ANKRD26: variants seen among roughly 807,000 people sequenced by gnomAD.
ANKRD26 encodes ankyrin repeat domain-containing protein 26.
A neutral mutation model predicts 208.7 loss-of-function variants in ANKRD26; 141 were observed. That is an observed-to-expected ratio of 0.68 (90% confidence interval 0.59 to 0.78). The LOEUF (loss-of-function observed/expected upper bound fraction) is 0.78, where lower values mean the gene tolerates loss of function less well. Among genes scored for constraint, ANKRD26 ranks in the 30% least tolerant of loss-of-function variants. ANKRD26 has a pLI of 0.00. For missense variants in ANKRD26, 1,889 were observed against 1,938.7 expected (o/e 0.97, Z 0.48); for synonymous variants, 636 against 660.4 (o/e 0.96, Z 0.57).
At chr10:27,065,121 G>T (rs2055193920) in intron 11 of ANKRD26, among the ~76,000 whole-genome samples, 1 of 152,112 alleles carries the variant, frequency 6.6e-6, no homozygotes, top group Non-Finnish European at 1.5e-5. Flanking sequence ...GTCACACTCA[G>T]AAAGATCTTC....
chr10:27,022,816 C>CAGAT, intron 28 of ANKRD26, 129 bp from the exon 29 acceptor site: 1 of 886,902 alleles, frequency 1.1e-6, no homozygotes, highest in Non-Finnish European at 1.7e-6. Context: ...TTATTTCAAT[C>CAGAT]TGACATAGTT....
intron 4 of ANKRD26, among the ~76,000 whole-genome samples, chr10:26,998,556 T>A (rs777715759): frequency 1.3e-5 from 2 of 152,242 alleles, no homozygotes; most frequent in Non-Finnish European, 2.9e-5. Flanking sequence ...ACCTGGGTCA[T>A]AGGTTCTGAT....
chr10:26,972,063 G>GT (rs2052153891), downstream of ANKRD26, among the ~76,000 whole-genome samples: 3 of 151,924 alleles, frequency 2.0e-5, no homozygotes, highest in Middle Eastern at 6.8e-3. Flanking sequence ...GTGAAACCCC[G>GT]TCTCTACTAA....
At chr10:27,053,085 C>T (rs2054717023) in intron 16 of ANKRD26, among the ~76,000 whole-genome samples, 1 of 151,970 alleles carries the variant, frequency 6.6e-6, no homozygotes, top group Admixed American at 6.6e-5. Flanking sequence ...GGCTTCAATT[C>T]CAAGGGTAAA....
chr10:27,022,652 A>G lies in ANKRD26; in HGVS notation c.4121T>C (p.Leu1374Ser), dbSNP rs377522793. 31 of 1,584,620 alleles carry G rather than the reference A, an allele frequency of 2.0e-5. No individual in the cohort carries two copies. Among genetic ancestry groups the G allele is most frequent in the Non-Finnish European group, 2.4e-5 (28 of 1,158,322 alleles). Residue 1374 changes from leucine (L) to serine (S), a missense_variant, in exon 29 of 34, where the codon TTA becomes TCA. Physicochemically the swap from Leu to Ser is moderately radical, Grantham distance 145. Coordinates refer to ENST00000376087, the MANE Select transcript of ANKRD26 (RefSeq NM_014915.3). ...AAATTCTCCATTTTCATATTCATTT[A>G]ACTTCTTTCTTGTCATTTTTAAGAG... ...KNLLKMTRKK[L>S]NEYENGEFSF...
intron 5 of ANKRD26, among the ~76,000 whole-genome samples, chr10:27,086,240 CACATA>C (rs1176827449): frequency 6.6e-6 from 1 of 150,878 alleles, no homozygotes; most frequent in Non-Finnish European, 1.5e-5. Flanking sequence ...ATAAAGGAAA[CACATA>C]ACATACTAAC....
chr10:27,037,764 T>A, intron 22 of ANKRD26, 107 bp downstream of exon 22: 1 of 926,010 alleles, frequency 1.1e-6, no homozygotes, highest in Non-Finnish European at 1.6e-6. Context: ...CAGCTTGAGA[T>A]AACAGTTTTG....
At chr10:27,095,620 A>G (rs942944884) in intron 1 of ANKRD26, among the ~76,000 whole-genome samples, 1 of 152,216 alleles carries the variant, frequency 6.6e-6, no homozygotes, top group Non-Finnish European at 1.5e-5. Context: ...GTAAGCCGAG[A>G]TCATGCCACT....
chr10:26,953,512 T>C, the ANKRD26 span, among the ~76,000 whole-genome samples: 3 of 152,238 alleles, frequency 2.0e-5, no homozygotes, highest in East Asian at 1.9e-4. Context: ...CTGATGTTAC[T>C]AGATAAATGA....
intron 29 of ANKRD26, among the ~76,000 whole-genome samples, chr10:27,022,327 T>A (rs2135031219): frequency 6.6e-6 from 1 of 152,288 alleles, no homozygotes; most frequent in South Asian, 2.1e-4. Context: ...CTAGGCTTAA[T>A]ACTTGGGTGA....
intron 4 of ANKRD26, among the ~76,000 whole-genome samples, chr10:26,996,517 G>A (rs137984660): frequency 7.9e-5 from 12 of 152,288 alleles, no homozygotes; most frequent in South Asian, 2.1e-4. Flanking sequence ...CTGAGATTGC[G>A]CCACTGCACT....
At chr10:27,000,444 G>A (rs986634579), downstream of ANKRD26, among the ~76,000 whole-genome samples, 1 of 152,050 alleles carries the variant, frequency 6.6e-6, no homozygotes, top group African/African-American at 2.4e-5. Context: ...AAAAACTCCA[G>A]GAATTGGAAA....
chr10:27,009,822 C>T (rs1025894469), intron 32 of ANKRD26, among the ~76,000 whole-genome samples: 5 of 151,970 alleles, frequency 3.3e-5, no homozygotes, highest in African/African-American at 9.7e-5. Flanking sequence ...CTTCAGGTGG[C>T]GGAGGCAGCC....
chr10:26,995,099 A>G (rs1168626934), exon 5 of ANKRD26: 1 of 471,050 alleles, frequency 2.1e-6, no homozygotes, highest in African/African-American at 2.0e-5. Context: ...GAAGTGAGAC[A>G]TTGGTCAGTC....
chr10:27,056,606 T>C (rs1339205333), intron 15 of ANKRD26, among the ~76,000 whole-genome samples: 1 of 151,810 alleles, frequency 6.6e-6, no homozygotes, highest in African/African-American at 2.4e-5. Context: ...GGTGAAACCC[T>C]GTCTCTACTA....
chr10:27,089,483 G>C (rs1393379036), intron 4 of ANKRD26, among the ~76,000 whole-genome samples: 1 of 152,172 alleles, frequency 6.6e-6, no homozygotes, highest in Non-Finnish European at 1.5e-5. Flanking sequence ...GTTCGTAAAA[G>C]TCCTGAGATA....
chr10:27,076,400 T>G (rs2055700088), intron 9 of ANKRD26, among the ~76,000 whole-genome samples: 1 of 151,962 alleles, frequency 6.6e-6, no homozygotes, highest in East Asian at 1.9e-4. Flanking sequence ...GTAGCTGGGA[T>G]TACAGGCACC....
At chr10:26,990,732 T>C (rs1353699506), downstream of ANKRD26, among the ~76,000 whole-genome samples, 1 of 152,184 alleles carries the variant, frequency 6.6e-6, no homozygotes, top group Admixed American at 6.5e-5. Flanking sequence ...TTTACACTCA[T>C]AGGCTACAGG....
chr10:27,066,555 A>C lies in ANKRD26; in HGVS notation c.1208-7T>G. ...CCTAATGCGGACATCATATCTATCA[A>C]ATGTGATACACAGATATATTCATGA... is the stretch of plus-strand genomic sequence containing the variant. On this transcript the variant is annotated splice_region_variant and splice_polypyrimidine_tract_variant and intron_variant, in intron 10 of 33. Transcript: ENST00000376087. 1 of 1,573,436 alleles carries C rather than the reference A, an allele frequency of 6.4e-7. No homozygotes were observed. Among genetic ancestry groups the C allele is most frequent in the East Asian group, 2.2e-5 (1 of 44,526 alleles).
Sources: allele counts gnomAD v4.1 joint callset (sites outside exome capture counted in the v4.1 genomes callset), GRCh38; gene constraint gnomAD v4.1.1; transcripts MANE v1.5; gene names NCBI Gene and HGNC (gene_info 2026-07-23, HGNC 2026-07-21).